ERMAP: variants seen among roughly 807,000 people sequenced by gnomAD.
ERMAP encodes the protein erythroblast membrane associated protein (Scianna blood group).
A neutral mutation model predicts 49.5 loss-of-function variants in ERMAP; 34 were observed. The observed-to-expected ratio is 0.69, with a 90% CI of 0.52 to 0.91. The LOEUF (loss-of-function observed/expected upper bound fraction) is 0.91. ERMAP is among the 40% of genes least tolerant of loss of function. The pLI, the probability that ERMAP is intolerant of heterozygous loss-of-function variation, is 0.00. For missense variants in ERMAP, 541 were observed against 582.6 expected (o/e 0.93, Z 0.74); for synonymous variants, 214 against 232.2 (o/e 0.92, Z 0.71).
In ERMAP at chr1:42,830,784, C is replaced by T. The variant is rs781594970; in HGVS notation, c.102C>T (p.Ala34=). The T allele has an allele frequency of 1.3e-4, 197 of 1,549,014 alleles. No individual in the cohort carries two copies. The highest frequency in any genetic ancestry group is 3.4e-4 in the Middle Eastern group (2 of 5,970). The change falls in exon 4 of 12, where the codon GCC becomes GCT. Residue 34 remains alanine (A), a synonymous_variant. Transcript: ENST00000372517. ...TTTGTCCAGGCCACGCAGGGGATGC[C>T]GGCAAGTTCCACGTGGCCCTACTAG... ...SVHVSGHAGD[A]GKFHVALLGG...
In ERMAP at chr1:42,825,612, C is replaced by T. The variant is rs1654519897; in HGVS notation, c.-121-11C>T. ...CATAAAATATGAACTTTTCCCGGCC[C>T]ACATCCCTAGGCCTTCCTGATGCGC... On this transcript the variant is annotated splice_polypyrimidine_tract_variant and intron_variant, in intron 1 of 11. Transcript: ENST00000372517. 7.8e-7 allele frequency: 1 copy of T among 1,283,466 alleles called. No homozygotes were observed. Among genetic ancestry groups the T allele is most frequent in the Admixed American group, 2.4e-5 (1 of 42,372 alleles). 79.5% of individuals were successfully genotyped at this position (1,283,466 alleles called of 1,614,324 possible).
chr1:42,829,060 C>A (rs956290191), intron 2 of ERMAP, among the ~76,000 whole-genome samples: 1 of 152,196 alleles, frequency 6.6e-6, no homozygotes, highest in East Asian at 1.9e-4. Context: ...ATTTACTTAA[C>A]TTCTCTTGTC....
At chr1:42,821,071 C>G (rs1363678832) in intron 1 of ERMAP, among the ~76,000 whole-genome samples, 2 of 152,166 alleles carry the variant, frequency 1.3e-5, no homozygotes, top group Non-Finnish European at 2.9e-5. Context: ...ATCCTGCCTC[C>G]CTCTGCAGGC....
chr1:42,828,291 T>G lies in ERMAP; in HGVS notation c.-5-2153T>G, dbSNP rs540336115. On this transcript the variant is annotated intron_variant, in intron 2 of 11. Coordinates refer to ENST00000372517, the MANE Select transcript of ERMAP (RefSeq NM_001017922.2). Reference sequence around the variant, plus strand: ...CTTCATTTGCTTTTTATTTCCAGCATCTGGTGCAAATCATTTTACATGTAT... The same window carrying G: ...CTTCATTTGCTTTTTATTTCCAGCAGCTGGTGCAAATCATTTTACATGTAT... Among the ~76,000 whole-genome samples the G allele has an allele frequency of 5.9e-5, 9 of 152,208 alleles. No individual in the cohort carries two copies. The South Asian group carries it at 1.0e-3, about 18-fold the overall frequency.
At chr1:42,839,425 A>G (rs1404781025) in intron 8 of ERMAP, 1 of 167,360 alleles carries the variant, frequency 6.0e-6, no homozygotes, top group Non-Finnish European at 1.3e-5. Context: ...CAGCCTGACA[A>G]CATGGTGAAA....
At chr1:42,842,216 C>T (rs988036449) in intron 11 of ERMAP, among the ~76,000 whole-genome samples, 29 of 152,304 alleles carry the variant, frequency 1.9e-4, no homozygotes, top group African/African-American at 5.5e-4. Flanking sequence ...GGTTCCAACA[C>T]GTGAACTTTT....
At chr1:42,834,538 T>G (rs1323007837) in intron 4 of ERMAP, 2 of 283,416 alleles carry the variant, frequency 7.1e-6, no homozygotes, top group African/African-American at 4.7e-5. Context: ...GAGGAACATC[T>G]CAGTTTTTGT....
chr1:42,817,614 T>C (rs1241614142), intron 1 of ERMAP: 1 of 154,438 alleles, frequency 6.5e-6, no homozygotes, highest in Non-Finnish European at 1.4e-5. Flanking sequence ...AATTTCTTAA[T>C]TCGAAAAGTG....
Position 42,819,323 on chromosome 1 carries a change from G to A in ERMAP, c.-122+2070G>A, listed in dbSNP as rs1654346699. 6.6e-6 allele frequency among the ~76,000 whole-genome samples: 1 copy of A among 152,116 alleles called. No homozygotes were observed. Among genetic ancestry groups the A allele is most frequent in the Admixed American group, 6.5e-5 (1 of 15,276 alleles). ...GAAGATTTCAGAAAAGAACGGAACTGGAGATACCAGTTTGGGATTCTACAT... is the reference window on the plus strand; with the variant it reads ...GAAGATTTCAGAAAAGAACGGAACTAGAGATACCAGTTTGGGATTCTACAT... On this transcript the variant is annotated intron_variant, in intron 1 of 11. Coordinates refer to ENST00000372517, the MANE Select transcript of ERMAP (RefSeq NM_001017922.2). This position sits in a 1 kb window ranked among gnomAD's most constrained non-coding sequence, Gnocchi z 5.1.
Position 42,832,179 on chromosome 1 carries a change from ATTTTTTTTTTTTTTTTT to A in ERMAP, c.433+1077_433+1093del, listed in dbSNP as rs75673269. On this transcript the variant is annotated intron_variant, in intron 4 of 11. Transcript: ENST00000372517. Reference sequence around the variant, plus strand: ...TTGGAGTCCTTTGGGGTGAAAATTAATTTTTTTTTTTTTTTTTTTTTTTTTTTTTGAGATGGAGTGTT... The same window carrying A: ...TTGGAGTCCTTTGGGGTGAAAATTAATTTTTTTTTTTTGAGATGGAGTGTT... Among the ~76,000 whole-genome samples the A allele has an allele frequency of 9.2e-4, 89 of 96,766 alleles. No individual in the cohort carries two copies. In the East Asian group the frequency reaches 0.031, roughly 33 times the overall value. 63.5% of individuals were successfully genotyped at this position (96,766 alleles called of 152,430 possible).
intron 1 of ERMAP, 42 bp downstream of exon 1, chr1:42,817,295 T>G (rs886290893): frequency 8.4e-7 from 1 of 1,188,980 alleles, no homozygotes; most frequent in Non-Finnish European, 1.1e-6. Context: ...CAGCGCTGCC[T>G]GCCCACCGCC....
At position 42,837,191 on chromosome 1, in the gene ERMAP, GT is replaced by G; in HGVS notation, c.616+2del. 6.2e-7 allele frequency: 1 copy of G among 1,613,590 alleles called. No homozygotes were observed. The highest frequency in any genetic ancestry group is 8.5e-7 in the Non-Finnish European group (1 of 1,179,578). ...CTTTCAGACCATGCTAAAGAAAAAGGTAATGATATAAAAGAGTAAGGGGTAG... is the reference window on the plus strand; with the variant it reads ...CTTTCAGACCATGCTAAAGAAAAAGGAATGATATAAAAGAGTAAGGGGTAG... On this transcript the variant is annotated splice_donor_variant, in intron 7 of 11. Coordinates refer to ENST00000372517, the MANE Select transcript of ERMAP (RefSeq NM_001017922.2). LOFTEE classifies it high-confidence loss of function.
At chr1:42,826,293 C>G (rs1215807534) in intron 2 of ERMAP, among the ~76,000 whole-genome samples, 2 of 151,828 alleles carry the variant, frequency 1.3e-5, no homozygotes, top group Non-Finnish European at 2.9e-5. Flanking sequence ...GTCCAAATAA[C>G]CAGTGAGTAA....
In ERMAP at chr1:42,842,638, C is replaced by T. The variant is rs1049975137; in HGVS notation, c.834C>T (p.Phe278=). 25 of 1,614,054 alleles carry T rather than the reference C, an allele frequency of 1.5e-5. No homozygotes were observed. The highest frequency in any genetic ancestry group is 6.7e-5 in the East Asian group (3 of 44,894). Residue 278 remains phenylalanine, a synonymous_variant, in exon 12 of 12, where the codon TTC becomes TTT. Coordinates refer to ENST00000372517, the MANE Select transcript of ERMAP (RefSeq NM_001017922.2). Reference sequence around the variant, plus strand: ...CTGACAACCCCCAGAGATTTGATTTCGTTGTCAGCATCCTAGGCTCTGAGT... The same window carrying T: ...CTGACAACCCCCAGAGATTTGATTTTGTTGTCAGCATCCTAGGCTCTGAGT... ...PVPDNPQRFD[F]VVSILGSEYF...
intron 1 of ERMAP, chr1:42,824,569 C>T (rs1177542664): frequency 6.6e-6 from 1 of 152,062 alleles, no homozygotes; most frequent in Non-Finnish European, 1.5e-5. Context: ...AGGTGTGAGA[C>T]AAGTACTTCA....
At chr1:42,839,936 T>G in intron 8 of ERMAP, 97 bp from the exon 9 acceptor site, 1 of 1,220,202 alleles carries the variant, frequency 8.2e-7, no homozygotes, top group Non-Finnish European at 1.2e-6. Flanking sequence ...CTATTGAGTA[T>G]CTGTCTGCTC....
chr1:42,831,229 A>G (rs1654721289), intron 4 of ERMAP, 114 bp downstream of exon 4: 1 of 1,310,572 alleles, frequency 7.6e-7, no homozygotes, highest in African/African-American at 1.5e-5. Flanking sequence ...TGTAGTTTTT[A>G]CTTGCCAGGA....
At chr1:42,825,064 A>AT (rs1465738836) in intron 1 of ERMAP, among the ~76,000 whole-genome samples, 2 of 152,250 alleles carry the variant, frequency 1.3e-5, no homozygotes, top group Non-Finnish European at 2.9e-5. Context: ...CTCCATCTTT[A>AT]TAAAGTTCAA....
In ERMAP at chr1:42,831,127, T is replaced by A; in HGVS notation, c.433+12T>A. On this transcript the variant is annotated intron_variant, in intron 4 of 11. Coordinates refer to ENST00000372517, the MANE Select transcript of ERMAP (RefSeq NM_001017922.2). Reference sequence around the variant, plus strand: ...CCTGCAGGTTGCAGGTTAGAATGGGTTTGAGGTGCCCAGGGTCATTTGTGG... The same window carrying A: ...CCTGCAGGTTGCAGGTTAGAATGGGATTGAGGTGCCCAGGGTCATTTGTGG... 1 of 1,611,982 alleles carries A rather than the reference T, an allele frequency of 6.2e-7. No homozygotes were observed. Among genetic ancestry groups the A allele is most frequent in the South Asian group, 1.1e-5 (1 of 90,832 alleles).
Sources: gnomAD v4.1 joint callset for allele counts (sites outside exome capture counted in the v4.1 genomes callset) on GRCh38, gnomAD v4.1.1 for gene constraint, Gnocchi (gnomAD v3.1) non-coding constraint, MANE v1.5 for transcripts, NCBI Gene and HGNC (gene_info 2026-07-23, HGNC 2026-07-21) for gene names.